Variants in ARID3B observed in about 807,000 individuals in gnomAD.
ARID3B encodes the protein AT-rich interaction domain 3B.
In ARID3B, 10 loss-of-function variants were observed where a neutral mutation model predicts 51.9. That is an observed-to-expected ratio of 0.19 (90% CI 0.12 to 0.33). The LOEUF is 0.33. Among genes scored for constraint, ARID3B ranks in the 10% least tolerant of loss-of-function variants. The pLI, the probability that ARID3B is intolerant of heterozygous loss-of-function variation, is 1.00. For missense variants in ARID3B, 483 were observed against 716.3 expected (o/e 0.67, Z 3.72); for synonymous variants, 205 against 279.5 (o/e 0.73, Z 2.66).
intron 7 of ARID3B, 36 bp from the exon 8 acceptor site, chr15:74,593,102 G>A: frequency 6.3e-7 from 1 of 1,598,806 alleles, no homozygotes; most frequent in South Asian, 1.1e-5. Context: ...GCTGTGGAAG[G>A]CTTGACCAGG....
At chr15:74,589,319 G>A (rs1056360208) in intron 4 of ARID3B, among the ~76,000 whole-genome samples, 4 of 151,962 alleles carry the variant, frequency 2.6e-5, no homozygotes, top group Admixed American at 6.6e-5. Flanking sequence ...GTGAGCCACC[G>A]CACCCAGCCA....
At chr15:74,542,609 C>T (rs1172715246) in intron 1 of ARID3B, among the ~76,000 whole-genome samples, 1 of 152,202 alleles carries the variant, frequency 6.6e-6, no homozygotes, top group East Asian at 1.9e-4. Flanking sequence ...TTTGAAGATA[C>T]TAAAGACACT....
intron 8 of ARID3B, among the ~76,000 whole-genome samples, chr15:74,594,651 C>T (rs2061817480): frequency 6.6e-6 from 1 of 152,250 alleles, no homozygotes; most frequent in African/African-American, 2.4e-5. Flanking sequence ...TTCTAAGGGC[C>T]ACACTCCCTC....
chr15:74,549,470 G>C (rs2061628321), intron 2 of ARID3B, among the ~76,000 whole-genome samples: 1 of 151,906 alleles, frequency 6.6e-6, no homozygotes, highest in South Asian at 2.1e-4. Flanking sequence ...GGCAGGCTGA[G>C]GCAGGAAAAT....
intron 2 of ARID3B, 109 bp downstream of exon 2, chr15:74,544,597 C>T (rs1046235270): frequency 1.8e-5 from 20 of 1,083,050 alleles, no homozygotes; most frequent in East Asian, 2.4e-5. Context: ...CACCCCACTT[C>T]GGTGACCAAC....
chr15:74,593,516 A>G (rs190917763), intron 8 of ARID3B, among the ~76,000 whole-genome samples: 7 of 152,320 alleles, frequency 4.6e-5, no homozygotes, highest in African/African-American at 1.7e-4. Flanking sequence ...GTGTCCCACA[A>G]TCCCCAGGTC....
chr15:74,552,077 T>TTC (rs1567116339), intron 2 of ARID3B, among the ~76,000 whole-genome samples: 1 of 141,902 alleles, frequency 7.0e-6, no homozygotes, highest in African/African-American at 2.6e-5. Context: ...TTTTTTTTTT[T>TTC]CTGAGACGGA....
At position 74,597,702 on chromosome 15, in the gene ARID3B, G is replaced by A. The variant is rs2061833635; in HGVS notation, c.*1928G>A. 9 of 501,680 alleles carry A rather than the reference G, an allele frequency of 1.8e-5. No homozygotes were observed. The highest frequency in any genetic ancestry group is 9.8e-5 in the South Asian group (6 of 61,318). The allele number at this position is 501,680 out of a possible 1,614,324, so 31.1% of individuals were successfully genotyped here. On this transcript the variant is annotated 3_prime_UTR_variant, in exon 9 of 9. Coordinates refer to ENST00000346246, the MANE Select transcript of ARID3B (RefSeq NM_006465.4). ...CTTTCTCAGGGGTTTGGTCACAAAG[G>A]ATGGACTCTTCCCACCCAGAGGATG...
At chr15:74,561,717 T>A (rs936240539) in intron 2 of ARID3B, among the ~76,000 whole-genome samples, 1 of 152,176 alleles carries the variant, frequency 6.6e-6, no homozygotes. Context: ...TCAATACATA[T>A]AAAATGCTGG....
intron 4 of ARID3B, among the ~76,000 whole-genome samples, chr15:74,580,836 G>A (rs895635704): frequency 4.5e-4 from 69 of 152,306 alleles, no homozygotes; most frequent in African/African-American, 1.6e-3. Context: ...GAGGGTGGTG[G>A]CCTGCCTCCA....
At chr15:74,554,418 T>C (rs2141450526) in intron 2 of ARID3B, among the ~76,000 whole-genome samples, 1 of 152,292 alleles carries the variant, frequency 6.6e-6, no homozygotes, top group East Asian at 1.9e-4. Context: ...CCCTCCCGCC[T>C]CAGCCTCCCA....
chr15:74,591,912 C>A lies in ARID3B; in HGVS notation c.1420+98C>A. 6.6e-7 allele frequency: 1 copy of A among 1,519,674 alleles called. No individual in the cohort carries two copies. Among genetic ancestry groups the A allele is most frequent in the East Asian group, 2.3e-5 (1 of 44,016 alleles). The allele number at this position is 1,519,674 out of a possible 1,614,324, so 94.1% of individuals were successfully genotyped here. A position where few individuals can be genotyped will look rare whatever the true frequency, so the allele number is the denominator to read the frequency against. On this transcript the variant is annotated intron_variant, in intron 7 of 8. Coordinates refer to ENST00000346246, the MANE Select transcript of ARID3B (RefSeq NM_006465.4). The surrounding 1 kb of genome is among the most constrained non-coding windows in gnomAD (Gnocchi z 5.8). ...GGGCAGGGGTGGTGAGGCACATACT[C>A]CTGACCTGGAAGAGGCCCCTCCAGG... is the stretch of plus-strand genomic sequence containing the variant.
rs565244771 is a variant in ARID3B, at chr15:74,594,211, G to A, written c.1519+975G>A. On this transcript the variant is annotated intron_variant, in intron 8 of 8. Coordinates refer to ENST00000346246, the MANE Select transcript of ARID3B (RefSeq NM_006465.4). The stretch of plus-strand genomic sequence containing the variant: ...CGCCTGTAATCCCAGCATTTTGGGA[G>A]GCCAAGGCGGGTGGATCACGAAGTC... Among the ~76,000 whole-genome samples the A allele has an allele frequency of 3.9e-5, 6 of 152,302 alleles. No homozygotes were observed. In the South Asian group the frequency reaches 1.2e-3, roughly 32 times the overall value.
intron 4 of ARID3B, among the ~76,000 whole-genome samples, chr15:74,585,217 G>A (rs1254249763): frequency 6.6e-6 from 1 of 152,208 alleles, no homozygotes; most frequent in Non-Finnish European, 1.5e-5. Flanking sequence ...TCTCTTCAGT[G>A]GGTGTTTGCC....
chr15:74,589,091 G>GAT (rs1208658352), intron 4 of ARID3B, among the ~76,000 whole-genome samples: 1 of 121,866 alleles, frequency 8.2e-6, no homozygotes, highest in Non-Finnish European at 1.6e-5. Flanking sequence ...GCAGTGGTGT[G>GAT]ATCTCGGCTC....
chr15:74,579,870 TGTGC>T (rs1472051801), intron 4 of ARID3B, among the ~76,000 whole-genome samples: 1,275 of 121,610 alleles, frequency 0.01, 12 homozygotes, highest in African/African-American at 0.05. Context: ...TGTGTGTGTG[TGTGC>T]GCGCGCGCGC....
At chr15:74,563,675 G>A (rs1188876050) in intron 2 of ARID3B, among the ~76,000 whole-genome samples, 4 of 152,140 alleles carry the variant, frequency 2.6e-5, no homozygotes, top group African/African-American at 9.7e-5. Context: ...GGAAGTTCAG[G>A]TGGTAGCTCA....
In ARID3B at chr15:74,544,288, G is replaced by A; in HGVS notation, c.352G>A (p.Ala118Thr). Residue 118 changes from alanine (A) to threonine (T), a missense_variant, in exon 2 of 9, where the codon GCT becomes ACT. Physicochemically the swap from Ala to Thr is moderately conservative, Grantham distance 58. This residue lies in a region of ARID3B where 182 missense variants were observed against 244.5 expected (regional missense o/e 0.74). Coordinates refer to ENST00000346246, the MANE Select transcript of ARID3B (RefSeq NM_006465.4). ...AEVAEKETQA[A>T]SKYFHVQKVA... ...GGTGGCTGAGAAAGAAACCCAGGCT[G>A]CTTCAAAATATTTTCATGTGCAGAA... 1 of 1,614,058 alleles carries A rather than the reference G, an allele frequency of 6.2e-7. No individual in the cohort carries two copies. The highest frequency in any genetic ancestry group is 8.5e-7 in the Non-Finnish European group (1 of 1,179,958).
At chr15:74,545,503 G>A (rs2061612434) in intron 2 of ARID3B, among the ~76,000 whole-genome samples, 1 of 152,190 alleles carries the variant, frequency 6.6e-6, no homozygotes, top group African/African-American at 2.4e-5. Flanking sequence ...TTTCAACCAA[G>A]CCTCTTCTCT....
Sources: allele counts gnomAD v4.1 joint callset (sites outside exome capture counted in the v4.1 genomes callset), GRCh38; gene constraint gnomAD v4.1.1; regional missense constraint gnomAD v4.1.1; non-coding constraint Gnocchi (gnomAD v3.1); transcripts MANE v1.5; gene names NCBI Gene and HGNC (gene_info 2026-07-23, HGNC 2026-07-21).